UGT2A1: variants seen among roughly 807,000 people sequenced by gnomAD.
UGT2A1 encodes the protein UDP-glucuronosyltransferase 2A1.
In UGT2A1, 61 loss-of-function variants were observed where a neutral mutation model predicts 45.4. The ratio of observed to expected loss-of-function variants is 1.34; its 90% CI spans 1.09 to 1.66. The LOEUF (loss-of-function observed/expected upper bound fraction) is 1.66. Among genes scored for constraint, UGT2A1 ranks in the 40% most tolerant of loss-of-function variants. UGT2A1 has a pLI of 0.00. For missense variants in UGT2A1, 649 were observed against 574.3 expected (o/e 1.13, Z -1.33); for synonymous variants, 229 against 196.2 (o/e 1.17, Z -1.40).
At position 69,589,671 on chromosome 4, in the gene UGT2A1, G is replaced by T. The variant is rs966768654; in HGVS notation, c.1305-20C>A. 7 of 1,568,968 alleles carry T rather than the reference G, an allele frequency of 4.5e-6. No homozygotes were observed. Among genetic ancestry groups the T allele is most frequent in the Non-Finnish European group, 6.1e-6 (7 of 1,156,044 alleles). On this transcript the variant is annotated intron_variant, in intron 6 of 6. Coordinates refer to ENST00000286604, the MANE Select transcript of UGT2A1 (RefSeq NM_001252275.3). ...TTATAACTAGAAGACAAATAAATAG[G>T]CAGAAATTAGACAATTTTTGTTTTT...
At chr4:69,650,802 G>A (rs7672805) in intron 1 of UGT2A1, among the ~76,000 whole-genome samples, 57,059 of 151,930 alleles carry the variant, frequency 0.38, 11,153 homozygotes, top group East Asian at 0.6. Flanking sequence ...AAATGACATA[G>A]GTAAAGTGTT....
chr4:69,625,154 C>A (rs542369004), intron 3 of UGT2A1, among the ~76,000 whole-genome samples: 151 of 136,510 alleles, frequency 1.1e-3, no homozygotes, highest in Non-Finnish European at 2.1e-3. Flanking sequence ...AATGAGAAGT[C>A]TGTTTTCATT....
intron 3 of UGT2A1, among the ~76,000 whole-genome samples, chr4:69,610,551 A>T (rs1013658887): frequency 6.6e-6 from 1 of 152,302 alleles, no homozygotes; most frequent in Admixed American, 6.5e-5. Context: ...AATCAGTGTT[A>T]TGAATTGAAT....
chr4:69,621,168 A>G (rs962575681), intron 3 of UGT2A1, among the ~76,000 whole-genome samples: 4 of 152,080 alleles, frequency 2.6e-5, no homozygotes, highest in African/African-American at 7.2e-5. Context: ...ATTAAACTTA[A>G]GAGCTTCTGC....
intron 2 of UGT2A1, chr4:69,639,684 T>C: frequency 6.7e-7 from 1 of 1,495,370 alleles, no homozygotes; most frequent in South Asian, 1.4e-5. Flanking sequence ...CTTCAAAGTA[T>C]ATTTAGGTCA....
chr4:69,641,238 ATATT>A (rs1175810118), intron 2 of UGT2A1, among the ~76,000 whole-genome samples: 1 of 151,940 alleles, frequency 6.6e-6, no homozygotes, highest in Non-Finnish European at 1.5e-5. Context: ...GGGCAATAAA[ATATT>A]TACCTAATTT....
At chr4:69,619,431 A>G (rs1314013525) in intron 3 of UGT2A1, among the ~76,000 whole-genome samples, 1 of 151,570 alleles carries the variant, frequency 6.6e-6, no homozygotes, top group African/African-American at 2.4e-5. Context: ...ATAAAATAAA[A>G]TAAAATAAAA....
chr4:69,599,521 TATC>T (rs1174006460), intron 3 of UGT2A1, 127 bp from the exon 4 acceptor site: 1 of 1,317,000 alleles, frequency 7.6e-7, no homozygotes, highest in East Asian at 2.5e-5. Context: ...CTAGAATACT[TATC>T]ATGTTTATAT....
chr4:69,629,977 T>C (rs1029086567), intron 3 of UGT2A1, among the ~76,000 whole-genome samples: 1 of 152,110 alleles, frequency 6.6e-6, no homozygotes, highest in Non-Finnish European at 1.5e-5. Flanking sequence ...TTCCTTAATC[T>C]TGAATGTACA....
At chr4:69,612,692 C>T (rs1720135059) in intron 3 of UGT2A1, among the ~76,000 whole-genome samples, 1 of 151,836 alleles carries the variant, frequency 6.6e-6, no homozygotes, top group Non-Finnish European at 1.5e-5. Flanking sequence ...AAGAAAGAAA[C>T]CGGATTGTCA....
At chr4:69,602,556 C>T (rs1187283657) in intron 3 of UGT2A1, among the ~76,000 whole-genome samples, 1 of 136,982 alleles carries the variant, frequency 7.3e-6, no homozygotes, top group Non-Finnish European at 1.6e-5. Flanking sequence ...GATAAATCTT[C>T]AGAATGAGGA....
intron 4 of UGT2A1, among the ~76,000 whole-genome samples, chr4:69,596,838 A>T (rs1718961018): frequency 6.6e-6 from 1 of 152,180 alleles, no homozygotes; most frequent in Non-Finnish European, 1.5e-5. Flanking sequence ...AGTCTCCTTA[A>T]GAGGAAACAC....
rs969552482 is a variant in UGT2A1 at position 69,647,284 on chromosome 4, C to T, written c.361G>A (p.Val121Met). The T allele has an allele frequency of 1.5e-5, 24 of 1,613,254 alleles. No homozygotes were observed. Among genetic ancestry groups the T allele is most frequent in the Non-Finnish European group, 1.9e-5 (23 of 1,179,554 alleles). ...MAKVIKDFHM[V>M]SQEICDGVLK... ...ACGCCATCACAGATCTCCTGAGACA[C>T]CATGTGGAAGTCCTTGATTACTTTG... is the stretch of plus-strand genomic sequence containing the variant. Residue 121 changes from valine to methionine, a missense_variant, in exon 2 of 7, where the codon GTG becomes ATG. Physicochemically the swap from Val to Met is conservative, Grantham distance 21 (BLOSUM62 1). Coordinates refer to ENST00000286604, the MANE Select transcript of UGT2A1 (RefSeq NM_001252275.3).
intron 1 of UGT2A1, among the ~76,000 whole-genome samples, chr4:69,648,137 AAC>A (rs1360181278): frequency 2.0e-5 from 3 of 150,914 alleles, no homozygotes; most frequent in African/African-American, 7.3e-5. Flanking sequence ...ACATTATAAT[AAC>A]AGTTACAATA....
chr4:69,618,221 T>TTGTGTGTGTGTG (rs112693693), intron 3 of UGT2A1, among the ~76,000 whole-genome samples: 34 of 144,726 alleles, frequency 2.3e-4, no homozygotes, highest in South Asian at 8.9e-4. Flanking sequence ...GTGTGTATGT[T>TTGTGTGTGTGTG]TGTGTGTGTG....
intron 1 of UGT2A1, among the ~76,000 whole-genome samples, chr4:69,651,230 A>C (rs1722508790): frequency 6.6e-6 from 1 of 152,194 alleles, no homozygotes; most frequent in Admixed American, 6.5e-5. Flanking sequence ...AAGTAAAAAG[A>C]TTTGGCCTAA....
intron 4 of UGT2A1, among the ~76,000 whole-genome samples, chr4:69,598,094 G>T (rs1236230384): frequency 6.6e-6 from 1 of 152,008 alleles, no homozygotes; most frequent in Non-Finnish European, 1.5e-5. Flanking sequence ...ATATTTCTGT[G>T]TCTTTATTTA....
Position 69,633,596 on chromosome 4 carries a change from T to C in UGT2A1, c.847+2095A>G, listed in dbSNP as rs551272225. 1.1e-4 allele frequency among the ~76,000 whole-genome samples: 17 copies of C among 152,302 alleles called. 1 individual carries two copies. Among genetic ancestry groups the C allele is most frequent in the African/African-American group, 2.9e-4 (12 of 41,566 alleles). On this transcript the variant is annotated intron_variant, in intron 3 of 6. Coordinates refer to ENST00000286604, the MANE Select transcript of UGT2A1 (RefSeq NM_001252275.3). ...AATAAAATGTGATACATTAATTCAA[T>C]AGACTCCATATAGCTATAAGAATGA...
chr4:69,639,418 C>T lies in UGT2A1; in HGVS notation c.716-3596G>A, dbSNP rs371537243. ...ATCACTTCAAAATTCACAGGAGAATCGGGATTGGAGTTGATGAATAGAGTT... is the reference window on the plus strand; with the variant it reads ...ATCACTTCAAAATTCACAGGAGAATTGGGATTGGAGTTGATGAATAGAGTT... On this transcript the variant is annotated intron_variant, in intron 2 of 6. Coordinates refer to ENST00000286604, the MANE Select transcript of UGT2A1 (RefSeq NM_001252275.3). 1.3e-5 allele frequency: 21 copies of T among 1,613,102 alleles called. 1 individual carries two copies. The South Asian group carries it at 1.5e-4, about 12-fold the overall frequency.
Sources: gnomAD v4.1 joint callset for allele counts (sites outside exome capture counted in the v4.1 genomes callset) on GRCh38, gnomAD v4.1.1 for gene constraint, MANE v1.5 for transcripts, NCBI Gene and HGNC (gene_info 2026-07-23, HGNC 2026-07-21) for gene names.